The following RGS6 variants were observed in gnomAD, a reference collection of about 807,000 sequenced individuals.
The protein encoded by RGS6 is regulator of G protein signaling 6.
A neutral mutation model predicts 78.5 loss-of-function variants in RGS6; 30 were observed. The ratio of observed to expected loss-of-function variants is 0.38; its 90% confidence interval spans 0.29 to 0.52. RGS6 has a LOEUF of 0.52. Among genes scored for constraint, RGS6 ranks in the 20% least tolerant of loss-of-function variants. The pLI, the probability that RGS6 is intolerant of heterozygous loss-of-function variation, is 0.85. For missense variants in RGS6, 495 were observed against 609.7 expected (o/e 0.81, Z 1.98); for synonymous variants, 206 against 206.0 (o/e 1.00, Z 0.00).
At chr14:72,077,872 T>A (rs1344726226) in intron 2 of RGS6, among the ~76,000 whole-genome samples, 2 of 152,242 alleles carry the variant, frequency 1.3e-5, no homozygotes, top group African/African-American at 4.8e-5. Context: ...TATTATATCT[T>A]CTAATTTAAG....
chr14:71,883,845 T>C, the RGS6 span, among the ~76,000 whole-genome samples: 1 of 152,126 alleles, frequency 6.6e-6, no homozygotes, highest in African/African-American at 2.4e-5. Context: ...AGTTACCCTA[T>C]GTGGTCTAAA....
chr14:72,049,412 C>T (rs1235490313), intron 2 of RGS6, among the ~76,000 whole-genome samples: 1 of 152,172 alleles, frequency 6.6e-6, no homozygotes, highest in Admixed American at 6.6e-5. Flanking sequence ...CTTCGAGCCA[C>T]AAGTCAAGGT....
chr14:72,231,185 C>A (rs17109477), intron 2 of RGS6, among the ~76,000 whole-genome samples: 8,611 of 152,092 alleles, frequency 0.057, 448 homozygotes, highest in African/African-American at 0.14. Flanking sequence ...GTTCCCCAAG[C>A]GTAAAGTGAC....
At chr14:72,619,834 G>A in the RGS6 span, 1 of 1,388,828 alleles carries the variant, frequency 7.2e-7, no homozygotes, top group South Asian at 1.4e-5. Flanking sequence ...GTACCATAGT[G>A]AGAGCTCAGT....
At chr14:72,544,430 C>G (rs1423551463) in intron 17 of RGS6, among the ~76,000 whole-genome samples, 3 of 152,122 alleles carry the variant, frequency 2.0e-5, no homozygotes, top group African/African-American at 7.2e-5. Context: ...TTCATCAGCT[C>G]CAGCCTTGGG....
intron 2 of RGS6, among the ~76,000 whole-genome samples, chr14:72,036,372 G>A (rs1338357947): frequency 1.3e-5 from 2 of 151,866 alleles, no homozygotes; most frequent in Admixed American, 6.6e-5. Context: ...TCTTATACAG[G>A]TTTTGGGGTA....
chr14:71,888,353 G>A, the RGS6 span, among the ~76,000 whole-genome samples: 2 of 149,902 alleles, frequency 1.3e-5, no homozygotes, highest in African/African-American at 4.9e-5. Flanking sequence ...AGGAGGTGGA[G>A]GTTGCAGTGA....
intron 2 of RGS6, among the ~76,000 whole-genome samples, chr14:72,264,912 G>A (rs41520750): frequency 1.2e-4 from 19 of 152,194 alleles, no homozygotes; most frequent in Non-Finnish European, 2.5e-4. Flanking sequence ...GGAACCTCTC[G>A]GTACCACGTT....
chr14:72,294,705 G>A (rs2064335768), intron 2 of RGS6, among the ~76,000 whole-genome samples: 2 of 152,064 alleles, frequency 1.3e-5, no homozygotes. Flanking sequence ...CAGGGCAGGA[G>A]GGAGGGAGAG....
In RGS6 at chr14:72,280,638, G is replaced by A. The variant is rs538338233; in HGVS notation, c.85-71457G>A. Among the ~76,000 whole-genome samples the A allele has an allele frequency of 1.4e-4, 21 of 152,338 alleles. No homozygotes were observed. In the South Asian group the frequency reaches 3.3e-3, roughly 24 times the overall value. On this transcript the variant is annotated intron_variant, in intron 2 of 17. Coordinates refer to ENST00000553525, the MANE Select transcript of RGS6 (RefSeq NM_001204424.2). ...AGAGAGAAACAATGTCCTCATTCTC[G>A]TGGAACTTGCAAGGTAGTCAGAAGA...
In RGS6 at chr14:72,053,079, C is replaced by T. The variant is rs12896392; in HGVS notation, c.84+88204C>T. 5.7e-3 allele frequency among the ~76,000 whole-genome samples: 97 copies of T among 17,004 alleles called. 3 individuals carry two copies. The highest frequency in any genetic ancestry group is 0.015 in the African/African-American group (45 of 2,946). The allele number at this position is 17,004 out of a possible 152,430, so 11.2% of individuals were successfully genotyped here. A position where few individuals can be genotyped will look rare whatever the true frequency, so the allele number is the denominator to read the frequency against. On this transcript the variant is annotated intron_variant, in intron 2 of 17. Transcript: ENST00000553525. ...TCCCTCCCTCCCTCCCTCCCTCCCT[C>T]CCTTCCTTCCTTCCTTCCTTCCTTC...
chr14:72,413,787 T>C (rs1288124476), intron 3 of RGS6, among the ~76,000 whole-genome samples: 1 of 152,210 alleles, frequency 6.6e-6, no homozygotes, highest in Non-Finnish European at 1.5e-5. Flanking sequence ...CTCTCAGCAT[T>C]TGCTTGTCTG....
intron 3 of RGS6, among the ~76,000 whole-genome samples, chr14:72,361,104 A>G (rs1399985119): frequency 8.4e-6 from 1 of 118,468 alleles, no homozygotes; most frequent in African/African-American, 3.1e-5. Context: ...TTTTTTTTTC[A>G]TAAATTACCC....
chr14:72,149,115 G>C (rs944191589), intron 2 of RGS6, among the ~76,000 whole-genome samples: 1 of 152,196 alleles, frequency 6.6e-6, no homozygotes, highest in Non-Finnish European at 1.5e-5. Context: ...GGCCGAACTT[G>C]AGCAGGGGTT....
intron 1 of RGS6, among the ~76,000 whole-genome samples, chr14:71,964,329 A>G (rs1465781037): frequency 2.0e-5 from 3 of 152,070 alleles, no homozygotes; most frequent in African/African-American, 7.2e-5. Context: ...CAACATGGAG[A>G]AACCCTGTCT....
the RGS6 span, among the ~76,000 whole-genome samples, chr14:71,871,424 C>T: frequency 6.6e-6 from 1 of 152,136 alleles, no homozygotes; most frequent in Non-Finnish European, 1.5e-5. Context: ...ATATTCTTTC[C>T]TCTCGTCTCT....
the RGS6 span, among the ~76,000 whole-genome samples, chr14:71,913,288 A>G: frequency 2.6e-5 from 4 of 152,282 alleles, no homozygotes; most frequent in East Asian, 5.8e-4. Context: ...AAACTTGCTC[A>G]ATATGTGTAA....
chr14:72,038,107 C>A (rs929790369), intron 2 of RGS6, among the ~76,000 whole-genome samples: 16 of 152,010 alleles, frequency 1.1e-4, no homozygotes, highest in Admixed American at 2.6e-4. Context: ...GTAGCTGGGA[C>A]TCCAGGCACA....
chr14:72,004,036 C>A (rs1160739169), intron 2 of RGS6, among the ~76,000 whole-genome samples: 5 of 152,180 alleles, frequency 3.3e-5, no homozygotes, highest in African/African-American at 4.8e-5. Flanking sequence ...CTCAAAAATA[C>A]TACGCCTGAT....
Sources: gnomAD v4.1 joint callset for allele counts (sites outside exome capture counted in the v4.1 genomes callset) on GRCh38, gnomAD v4.1.1 for gene constraint, MANE v1.5 for transcripts, NCBI Gene and HGNC (gene_info 2026-07-23, HGNC 2026-07-21) for gene names.